The following WWOX variants were observed in gnomAD, a reference collection of about 807,000 sequenced individuals.
The protein encoded by WWOX is WW domain containing oxidoreductase, also known as WW domain-containing oxidoreductase.
WWOX carries 69 observed loss-of-function variants against 46.2 expected under a neutral mutation model. The observed-to-expected ratio is 1.49, with a 90% CI of 1.23 to 1.82. The LOEUF (loss-of-function observed/expected upper bound fraction) is 1.82. WWOX is among the 40% of genes most tolerant of loss of function. WWOX has a pLI of 0.00. For missense variants in WWOX, 919 were observed against 542.6 expected, an observed-to-expected ratio of 1.69 and a Z score of -6.89; for synonymous variants, 359 against 202.6, an observed-to-expected ratio of 1.77 and a Z score of -6.56.
intron 8 of WWOX, among the ~76,000 whole-genome samples, chr16:78,561,757 G>A (rs77630872): frequency 0.028 from 4,253 of 152,244 alleles, 172 homozygotes; most frequent in African/African-American, 0.091. Flanking sequence ...AGGCAGACAC[G>A]GCTTCACCTG....
chr16:78,399,129 G>A lies in WWOX; in HGVS notation c.605+12181G>A, dbSNP rs548896396. Among the ~76,000 whole-genome samples the A allele has an allele frequency of 3.3e-5, 5 of 152,262 alleles. No homozygotes were observed. The South Asian group carries it at 1.0e-3, about 32-fold the overall frequency. Reference sequence around the variant, plus strand: ...GGATGCAAGAGGTAAGTACAAGGAAGGGGATGGGTGGCTGGCTGGCTAGAT... The same window carrying A: ...GGATGCAAGAGGTAAGTACAAGGAAAGGGATGGGTGGCTGGCTGGCTAGAT... On this transcript the variant is annotated intron_variant, in intron 6 of 8. Transcript: ENST00000566780.
chr16:78,400,142 T>G (rs551679876), intron 6 of WWOX, among the ~76,000 whole-genome samples: 1 of 152,314 alleles, frequency 6.6e-6, no homozygotes, highest in South Asian at 2.1e-4. Flanking sequence ...CTTTTAAGCT[T>G]AAACTCCTGT....
chr16:78,433,573 C>G (rs924016319), intron 8 of WWOX, among the ~76,000 whole-genome samples: 2 of 152,124 alleles, frequency 1.3e-5, no homozygotes, highest in Non-Finnish European at 2.9e-5. Context: ...TCACCCTTTT[C>G]CCAAACACAT....
chr16:78,740,077 C>A (rs1460102826), intron 8 of WWOX, among the ~76,000 whole-genome samples: 1 of 152,138 alleles, frequency 6.6e-6, no homozygotes, highest in Non-Finnish European at 1.5e-5. Context: ...ACCTTTGCCA[C>A]CTGCCCTGCT....
At chr16:78,867,093 G>T (rs1193438963) in intron 8 of WWOX, among the ~76,000 whole-genome samples, 2 of 152,172 alleles carry the variant, frequency 1.3e-5, no homozygotes, top group African/African-American at 2.4e-5. Context: ...GGCGCCTTCT[G>T]TTATGTTCTT....
Position 78,350,538 on chromosome 16 carries a change from TATAA to T in WWOX, c.517-36315_517-36312del, listed in dbSNP as rs112317666. Among the ~76,000 whole-genome samples the T allele has an allele frequency of 1.1e-4, 13 of 121,598 alleles. 5 individuals are homozygous for T. Among genetic ancestry groups the T allele is most frequent in the African/African-American group, 3.6e-4 (13 of 35,960 alleles). The allele number at this position is 121,598 out of a possible 152,430, so 79.8% of individuals were successfully genotyped here. A position where few individuals can be genotyped will look rare whatever the true frequency, so the allele number is the denominator to read the frequency against. ...AGATTTGCCTATTCTAGACTTTTCA[TATAA>T]ATAAATCAGATACTGTGTGGCCCTT... On this transcript the variant is annotated intron_variant, in intron 5 of 8. Transcript: ENST00000566780.
At chr16:78,930,619 C>T (rs1340244918) in intron 8 of WWOX, among the ~76,000 whole-genome samples, 1 of 146,914 alleles carries the variant, frequency 6.8e-6, no homozygotes, top group African/African-American at 2.5e-5. Flanking sequence ...TTTAAACAAA[C>T]TTCACTCAGT....
At chr16:79,079,093 T>G (rs2048713109) in intron 8 of WWOX, among the ~76,000 whole-genome samples, 1 of 152,212 alleles carries the variant, frequency 6.6e-6, no homozygotes. Context: ...TAAAATGACT[T>G]CTTGTTCATG....
At chr16:78,545,798 G>A (rs563085236) in intron 8 of WWOX, among the ~76,000 whole-genome samples, 1 of 152,266 alleles carries the variant, frequency 6.6e-6, no homozygotes, top group Non-Finnish European at 1.5e-5. Flanking sequence ...TCCTTGGCTT[G>A]CAGACGGCCG....
intron 8 of WWOX, among the ~76,000 whole-genome samples, chr16:78,714,482 G>A (rs866959050): frequency 6.6e-6 from 1 of 151,908 alleles, no homozygotes; most frequent in Admixed American, 6.6e-5. Context: ...CATGATACGT[G>A]GGGATGATGG....
At chr16:78,733,853 C>T (rs1240849461) in intron 8 of WWOX, among the ~76,000 whole-genome samples, 1 of 152,034 alleles carries the variant, frequency 6.6e-6, no homozygotes, top group Admixed American at 6.6e-5. Flanking sequence ...ATCACTTGAG[C>T]CCAGGATTTC....
chr16:78,729,511 C>G (rs1026764339), intron 8 of WWOX, among the ~76,000 whole-genome samples: 1 of 151,980 alleles, frequency 6.6e-6, no homozygotes, highest in African/African-American at 2.4e-5. Context: ...GAGGAGGAGT[C>G]CATGCAAAGA....
chr16:78,540,771 C>G (rs2043872576), intron 8 of WWOX, among the ~76,000 whole-genome samples: 1 of 152,108 alleles, frequency 6.6e-6, no homozygotes, highest in Non-Finnish European at 1.5e-5. Context: ...ATGGTGACCT[C>G]AAATTCATGA....
At chr16:78,619,278 C>T (rs1273297785) in intron 8 of WWOX, among the ~76,000 whole-genome samples, 1 of 121,316 alleles carries the variant, frequency 8.2e-6, no homozygotes, top group Non-Finnish European at 1.7e-5. Context: ...ACATGAGAAT[C>T]GCTTGAACCT....
At chr16:78,846,659 G>A (rs954765659) in intron 8 of WWOX, among the ~76,000 whole-genome samples, 12 of 152,068 alleles carry the variant, frequency 7.9e-5, no homozygotes, top group African/African-American at 1.2e-4. Context: ...GGTTAACGTG[G>A]TATCTGCCAG....
At chr16:78,667,408 C>A (rs146110836) in intron 8 of WWOX, among the ~76,000 whole-genome samples, 2 of 152,072 alleles carry the variant, frequency 1.3e-5, no homozygotes, top group Non-Finnish European at 2.9e-5. Context: ...TGGTGGCTCA[C>A]GCCTGTATTC....
intron 8 of WWOX, among the ~76,000 whole-genome samples, chr16:78,833,436 T>A (rs2051887853): frequency 1.3e-5 from 2 of 151,908 alleles, no homozygotes; most frequent in Non-Finnish European, 2.9e-5. Context: ...CTCCTCCTCC[T>A]CCTCCTCCTC....
At chr16:79,104,907 C>G (rs570355634) in intron 8 of WWOX, among the ~76,000 whole-genome samples, 1 of 152,216 alleles carries the variant, frequency 6.6e-6, no homozygotes, top group Non-Finnish European at 1.5e-5. Context: ...ATCATAGACT[C>G]TGCGCCTGGC....
chr16:78,893,977 A>G (rs1029683965), intron 8 of WWOX, among the ~76,000 whole-genome samples: 1 of 151,576 alleles, frequency 6.6e-6, no homozygotes, highest in Non-Finnish European at 1.5e-5. Context: ...TTTGAGTACC[A>G]GGTATCCCTG....
Sources: gnomAD v4.1 joint callset for allele counts (sites outside exome capture counted in the v4.1 genomes callset) on GRCh38, gnomAD v4.1.1 for gene constraint, MANE v1.5 for transcripts, NCBI Gene and HGNC (gene_info 2026-07-23, HGNC 2026-07-21) for gene names.